Variants in BMP2K observed in about 807,000 individuals in gnomAD.
BMP2K encodes BMP2 inducible kinase, also known as BMP-2-inducible protein kinase.
BMP2K carries 74 observed loss-of-function variants against 116.0 expected under a neutral mutation model. The ratio of observed to expected loss-of-function variants is 0.64; its 90% CI spans 0.53 to 0.77. The LOEUF (loss-of-function observed/expected upper bound fraction) is 0.77, where lower values mean the gene tolerates loss of function less well. Among genes scored for constraint, BMP2K ranks in the 30% least tolerant of loss-of-function variants. BMP2K has a pLI of 0.00. For synonymous variants in BMP2K, 486 were observed against 502.5 expected (o/e 0.97, Z 0.44); for missense variants, 1,365 against 1,403.6 (o/e 0.97, Z 0.44).
intron 15 of BMP2K, among the ~76,000 whole-genome samples, chr4:78,887,809 G>A (rs1325668845): frequency 6.6e-6 from 1 of 152,166 alleles, no homozygotes; most frequent in African/African-American, 2.4e-5. Context: ...ATACTAGGAT[G>A]GAATAGGATC....
At chr4:78,890,203 C>T (rs1372374238) in intron 15 of BMP2K, among the ~76,000 whole-genome samples, 1 of 151,908 alleles carries the variant, frequency 6.6e-6, no homozygotes, top group Non-Finnish European at 1.5e-5. Flanking sequence ...TTTCCTGTTC[C>T]CTCCCAGTCC....
At chr4:78,819,270 G>C (rs1212570245) in intron 1 of BMP2K, among the ~76,000 whole-genome samples, 1 of 152,168 alleles carries the variant, frequency 6.6e-6, no homozygotes, top group South Asian at 2.1e-4. Flanking sequence ...CAAAGTGTTG[G>C]TATTACAGGT....
At chr4:78,897,950 T>C (rs1297431412) in intron 15 of BMP2K, among the ~76,000 whole-genome samples, 3 of 152,216 alleles carry the variant, frequency 2.0e-5, no homozygotes, top group Non-Finnish European at 2.9e-5. Flanking sequence ...GATAAATTAT[T>C]CTGTTGGTGC....
chr4:78,868,951 GGATC>G (rs1168377608), intron 10 of BMP2K, among the ~76,000 whole-genome samples: 5 of 152,126 alleles, frequency 3.3e-5, no homozygotes, highest in Non-Finnish European at 7.4e-5. Flanking sequence ...AGCTGTAGGT[GGATC>G]TACTATTCTG....
chr4:78,911,798 C>A lies in BMP2K; in HGVS notation c.3251C>A (p.Pro1084Gln), dbSNP rs761572078. ...TCTCCAGACCTGTCATGGCACCCTC[C>A]ACATCAGGGCCTGAGCGACATCCGT... ...FHSPDLSWHP[P>Q]HQGLSDIRAD... Residue 1084 changes from proline to glutamine, a missense_variant, in exon 16 of 16, where the codon CCA becomes CAA. By Grantham distance (76) the Pro-to-Gln change is moderately conservative (BLOSUM62 -1). This residue lies in a region of BMP2K where 596 missense variants were observed against 623.2 expected (regional missense o/e 0.96). Coordinates refer to ENST00000502613, the MANE Select transcript of BMP2K (RefSeq NM_198892.2). 6.2e-7 allele frequency: 1 copy of A among 1,613,972 alleles called. No individual in the cohort carries two copies. Among genetic ancestry groups the A allele is most frequent in the Non-Finnish European group, 8.5e-7 (1 of 1,179,884 alleles).
intron 15 of BMP2K, among the ~76,000 whole-genome samples, chr4:78,890,432 C>T (rs1323978199): frequency 6.7e-6 from 1 of 149,330 alleles, no homozygotes; most frequent in Non-Finnish European, 1.5e-5. Context: ...ACACACGTGT[C>T]CTGTCCTTAC....
Position 78,776,540 on chromosome 4 carries a change from G to T in BMP2K, c.-4G>T. 8.7e-7 allele frequency: 1 copy of T among 1,144,026 alleles called. No individual in the cohort carries two copies. Among genetic ancestry groups the T allele is most frequent in the Non-Finnish European group, 1.1e-6 (1 of 927,972 alleles). 70.9% of individuals were successfully genotyped at this position (1,144,026 alleles called of 1,614,324 possible). ...CCTGCGCCCTCCAGCTCGCCGGCGG[G>T]ACCATGAAGAAGTTCTCTCGGATGC... On this transcript the variant is annotated 5_prime_UTR_variant, in exon 1 of 16. Coordinates refer to ENST00000502613, the MANE Select transcript of BMP2K (RefSeq NM_198892.2).
intron 1 of BMP2K, among the ~76,000 whole-genome samples, chr4:78,781,498 G>T (rs1439988795): frequency 6.6e-6 from 1 of 151,548 alleles, no homozygotes; most frequent in Non-Finnish European, 1.5e-5. Context: ...GTTTGGATGA[G>T]ATATCTGAGA....
At chr4:78,858,199 G>A (rs1308450405) in intron 7 of BMP2K, among the ~76,000 whole-genome samples, 1 of 151,896 alleles carries the variant, frequency 6.6e-6, no homozygotes, top group Non-Finnish European at 1.5e-5. Flanking sequence ...AAAATTATAT[G>A]AATAAGTAGT....
intron 1 of BMP2K, among the ~76,000 whole-genome samples, chr4:78,807,855 A>G (rs1004479452): frequency 3.9e-5 from 6 of 152,044 alleles, no homozygotes; most frequent in African/African-American, 1.4e-4. Context: ...GTCAACAGTA[A>G]TATCCCCTTT....
chr4:78,785,811 T>G (rs1727699288), intron 1 of BMP2K, among the ~76,000 whole-genome samples: 1 of 152,208 alleles, frequency 6.6e-6, no homozygotes, highest in African/African-American at 2.4e-5. Context: ...GAGAATTATA[T>G]TAGCATTTGG....
intron 3 of BMP2K, among the ~76,000 whole-genome samples, chr4:78,838,370 G>A (rs188147094): frequency 1.3e-5 from 2 of 152,284 alleles, no homozygotes; most frequent in African/African-American, 4.8e-5. Flanking sequence ...TTCTTCGGAT[G>A]TTTTACCTGT....
Position 78,809,674 on chromosome 4 carries a change from C to T in BMP2K, c.179-16363C>T, listed in dbSNP as rs1427855406. Among the ~76,000 whole-genome samples, 5 of 150,550 alleles carry T rather than the reference C, an allele frequency of 3.3e-5. No individual in the cohort carries two copies. In the East Asian group the frequency reaches 7.7e-4, roughly 23 times the overall value. The stretch of plus-strand genomic sequence containing the variant: ...GAATTATAAATGTGAGCCACTGTGC[C>T]TGGTTTAAAGTGTTTTTTTTTTTTT... On this transcript the variant is annotated intron_variant, in intron 1 of 15. Transcript: ENST00000502613.
intron 1 of BMP2K, among the ~76,000 whole-genome samples, chr4:78,813,820 G>A (rs546218889): frequency 7.2e-5 from 11 of 152,142 alleles, no homozygotes; most frequent in Non-Finnish European, 1.5e-4. Flanking sequence ...AGGACTTACC[G>A]TTGTCTTCTA....
intron 1 of BMP2K, among the ~76,000 whole-genome samples, chr4:78,779,485 A>G (rs1727402610): frequency 6.6e-6 from 1 of 152,248 alleles, no homozygotes; most frequent in African/African-American, 2.4e-5. Flanking sequence ...TAAATAGACC[A>G]TGAAAAGGAC....
chr4:78,912,281 A>C lies in BMP2K; in HGVS notation c.*248A>C. 1 of 401,568 alleles carries C rather than the reference A, an allele frequency of 2.5e-6. No homozygotes were observed. Among genetic ancestry groups the C allele is most frequent in the African/African-American group, 2.0e-5 (1 of 49,084 alleles). The allele number at this position is 401,568 out of a possible 1,614,324, so 24.9% of individuals were successfully genotyped here. ...AAGGGTTTCTGCTACTGACATCACA[A>C]CACAGAAATGCAAGTGTGGTACTTC... On this transcript the variant is annotated 3_prime_UTR_variant, in exon 16 of 16. Transcript: ENST00000502613.
At chr4:78,832,211 A>C (rs530342960) in intron 2 of BMP2K, among the ~76,000 whole-genome samples, 17 of 152,088 alleles carry the variant, frequency 1.1e-4, no homozygotes, top group Non-Finnish European at 2.9e-5. Context: ...TTTTGGTTAT[A>C]TATCTAGGAG....
chr4:78,897,667 A>G (rs986178339), intron 15 of BMP2K, among the ~76,000 whole-genome samples: 1 of 152,148 alleles, frequency 6.6e-6, no homozygotes, highest in Non-Finnish European at 1.5e-5. Flanking sequence ...TTATAGCGCT[A>G]AGTATCCTAC....
chr4:78,807,463 AT>A (rs1441998190), intron 1 of BMP2K, among the ~76,000 whole-genome samples: 2 of 150,602 alleles, frequency 1.3e-5, no homozygotes, highest in African/African-American at 2.4e-5. Flanking sequence ...CTTCTCTTCT[AT>A]TTTTTTGGAG....
Sources: gnomAD v4.1 joint callset for allele counts (sites outside exome capture counted in the v4.1 genomes callset) on GRCh38, gnomAD v4.1.1 for gene constraint, gnomAD v4.1.1 regional missense constraint, MANE v1.5 for transcripts, NCBI Gene and HGNC (gene_info 2026-07-23, HGNC 2026-07-21) for gene names.